Variants in IRF4 observed in about 807,000 individuals in gnomAD.
IRF4 encodes the protein interferon regulatory factor 4.
In IRF4, 13 loss-of-function variants were observed where a neutral mutation model predicts 55.5. The observed-to-expected ratio is 0.23, with a 90% CI of 0.15 to 0.37. The LOEUF (loss-of-function observed/expected upper bound fraction) is 0.37. Among genes scored for constraint, IRF4 ranks in the 10% least tolerant of loss-of-function variants. The pLI is 1.00. For synonymous variants in IRF4, 249 were observed against 240.7 expected (o/e 1.03, Z -0.32); for missense variants, 397 against 593.8 (o/e 0.67, Z 3.44).
At chr6:400,605 T>C (rs1426720021) in intron 6 of IRF4, among the ~76,000 whole-genome samples, 1 of 152,090 alleles carries the variant, frequency 6.6e-6, no homozygotes, top group Non-Finnish European at 1.5e-5. Context: ...ACATATCCAG[T>C]GTGGAAAACT....
At chr6:399,005 G>A in intron 6 of IRF4, 70 bp downstream of exon 6, 1 of 1,098,310 alleles carries the variant, frequency 9.1e-7, no homozygotes, top group Non-Finnish European at 1.3e-6. Flanking sequence ...GTCATCTTTG[G>A]GCAGATTCGA....
intron 7 of IRF4, among the ~76,000 whole-genome samples, chr6:404,401 C>T (rs555711360): frequency 1.6e-4 from 24 of 151,024 alleles, no homozygotes; most frequent in Non-Finnish European, 3.1e-4. Context: ...ACTGTTCCAT[C>T]CCTGGAGACA....
At chr6:394,062 C>G (rs1408757930) in intron 2 of IRF4, among the ~76,000 whole-genome samples, 1 of 152,174 alleles carries the variant, frequency 6.6e-6, no homozygotes, top group Non-Finnish European at 1.5e-5. Context: ...GGCAGTTTAC[C>G]CAGAGAACTA....
At chr6:395,280 C>CAA (rs369029146) in intron 3 of IRF4, among the ~76,000 whole-genome samples, 1 of 132,926 alleles carries the variant, frequency 7.5e-6, no homozygotes. Context: ...GTTAGTCTTT[C>CAA]AAAAAAAAAA....
chr6:403,345 C>A (rs979825208), intron 7 of IRF4, among the ~76,000 whole-genome samples: 1 of 152,266 alleles, frequency 6.6e-6, no homozygotes, highest in Non-Finnish European at 1.5e-5. Flanking sequence ...CTAAGGCCCA[C>A]TGGGCCTGGA....
intron 5 of IRF4, 69 bp from the exon 6 acceptor site, chr6:398,759 C>T (rs1761328952): frequency 8.8e-7 from 1 of 1,139,876 alleles, no homozygotes; most frequent in African/African-American, 1.5e-5. Context: ...CACACACACA[C>T]CCCAGGAAGC....
intron 7 of IRF4, among the ~76,000 whole-genome samples, chr6:402,345 C>T (rs1218309346): frequency 3.3e-5 from 5 of 152,138 alleles, no homozygotes; most frequent in African/African-American, 4.8e-5. Context: ...GACAATTCAG[C>T]GAACCTCTGG....
intron 7 of IRF4, among the ~76,000 whole-genome samples, chr6:404,188 A>G (rs538185885): frequency 5.9e-5 from 9 of 152,294 alleles, no homozygotes; most frequent in African/African-American, 2.2e-4. Flanking sequence ...GTGACATTTT[A>G]TTGTAGCTAC....
chr6:399,501 C>G (rs1397352856), intron 6 of IRF4, among the ~76,000 whole-genome samples: 1 of 19,182 alleles, frequency 5.2e-5, no homozygotes, highest in Non-Finnish European at 8.6e-5. Flanking sequence ...AGTTTTATTT[C>G]TAAAAAAAAA....
rs974931858 is a variant in IRF4, at chr6:409,041, A to G, written c.*1443A>G. 1 of 218,484 alleles carries G rather than the reference A, an allele frequency of 4.6e-6. No individual in the cohort carries two copies. Among genetic ancestry groups the G allele is most frequent in the Non-Finnish European group, 9.2e-6 (1 of 108,514 alleles). 13.5% of individuals were successfully genotyped at this position (218,484 alleles called of 1,614,324 possible). On this transcript the variant is annotated 3_prime_UTR_variant, in exon 9 of 9. Transcript: ENST00000380956. ...GGGCGTCACCTCCAGGCCGTTTCTC[A>G]TACTACAGGATATTTACTATTACTC...
intron 4 of IRF4, 30 bp from the exon 5 acceptor site, chr6:397,078 C>T: frequency 1.9e-6 from 3 of 1,612,494 alleles, no homozygotes; most frequent in Non-Finnish European, 2.5e-6. Flanking sequence ...GCCAGTGCTT[C>T]TTATCTCAGC....
chr6:407,325 A>T (rs1312003813), intron 8 of IRF4, 130 bp from the exon 9 acceptor site: 3 of 844,034 alleles, frequency 3.6e-6, no homozygotes, highest in Non-Finnish European at 5.3e-6. Flanking sequence ...CCAAATATGA[A>T]ATGTTTTGAT....
At chr6:399,015 A>T in intron 6 of IRF4, 80 bp downstream of exon 6, 1 of 947,676 alleles carries the variant, frequency 1.1e-6, no homozygotes, top group Non-Finnish European at 1.6e-6. Context: ...GGCAGATTCG[A>T]TGGGACTTTA....
rs1319194181 is a variant in IRF4, at chr6:408,013, T to C, written c.*415T>C. The C allele has an allele frequency of 7.3e-6, 2 of 273,820 alleles. No homozygotes were observed. Among genetic ancestry groups the C allele is most frequent in the Non-Finnish European group, 1.4e-5 (2 of 144,882 alleles). The allele number at this position is 273,820 out of a possible 1,614,324, so 17.0% of individuals were successfully genotyped here. On this transcript the variant is annotated 3_prime_UTR_variant, in exon 9 of 9. Coordinates refer to ENST00000380956, the MANE Select transcript of IRF4 (RefSeq NM_002460.4). ...GTGGCTTTGCATTTCTTGTGTTCTG[T>C]AGACTGCCATCATTGATGATCACTG...
rs1214308590 is a variant in IRF4 at position 407,522 on chromosome 6, G to C, written c.1280G>C (p.Gly427Ala). 2 of 1,612,882 alleles carry C rather than the reference G, an allele frequency of 1.2e-6. No individual in the cohort carries two copies. Among genetic ancestry groups the C allele is most frequent in the South Asian group, 2.2e-5 (2 of 90,898 alleles). Residue 427 changes from glycine (G) to alanine (A), a missense_variant, in exon 9 of 9, where the codon GGC becomes GCC. By Grantham distance (60) the Gly-to-Ala change is moderately conservative (BLOSUM62 0). Transcript: ENST00000380956. ...CAAAACAGTGGACATTTCCTGAGGG[G>C]CTACGATTTACCAGAACACATCAGC... ...AQQNSGHFLR[G>A]YDLPEHISNP...
chr6:391,785 C>T lies in IRF4; in HGVS notation c.-80C>T, dbSNP rs1057001863. On this transcript the variant is annotated 5_prime_UTR_variant, in exon 1 of 9. Transcript: ENST00000380956. Reference sequence around the variant, plus strand: ...CGCTCGATCTTGGGACCCACCGCTGCCCTCAGCTCCGAGTCCAGGGCGAGG... The same window carrying T: ...CGCTCGATCTTGGGACCCACCGCTGTCCTCAGCTCCGAGTCCAGGGCGAGG... 2 of 455,990 alleles carry T rather than the reference C, an allele frequency of 4.4e-6. No individual in the cohort carries two copies. Among genetic ancestry groups the T allele is most frequent in the East Asian group, 6.9e-5 (1 of 14,398 alleles). 28.2% of individuals were successfully genotyped at this position (455,990 alleles called of 1,614,324 possible). A position where few individuals can be genotyped will look rare whatever the true frequency, so the allele number is the denominator to read the frequency against.
rs2127439898 is a variant in IRF4, at chr6:401,535, A to C, written c.857A>C (p.Asn286Thr). The stretch of plus-strand genomic sequence containing the variant: ...CATGGACATACGTATGACGCCAGCA[A>C]CCTGGACCAGGTCCTGTTCCCCTAC... ...ISHGHTYDAS[N>T]LDQVLFPYPE... The change falls in exon 7 of 9, where the codon AAC becomes ACC. Residue 286 changes from asparagine (N) to threonine (T), a missense_variant. Asn to Thr is a moderately conservative substitution (Grantham distance 65, BLOSUM62 0). Around this residue, in one of 3 missense-constraint regions of IRF4, gnomAD observed 341 missense variants for 548.1 expected, o/e 0.62. Transcript: ENST00000380956. The C allele has an allele frequency of 6.2e-7, 1 of 1,614,070 alleles. No homozygotes were observed. The highest frequency in any genetic ancestry group is 1.6e-4 in the Middle Eastern group (1 of 6,062).
In IRF4 at chr6:393,396, C is replaced by A. The variant is rs767260136; in HGVS notation, c.216+28C>A. The stretch of plus-strand genomic sequence containing the variant: ...CTCCGGCCTCGGGAGCCGGCGGGGG[C>A]GCGCCGGGGAGGGCCCAGAGACAGA... On this transcript the variant is annotated intron_variant, in intron 2 of 8. Coordinates refer to ENST00000380956, the MANE Select transcript of IRF4 (RefSeq NM_002460.4). This position sits in a 1 kb window ranked among gnomAD's most constrained non-coding sequence, Gnocchi z 5.4. 2.5e-5 allele frequency: 36 copies of A among 1,468,228 alleles called. No homozygotes were observed. In the Admixed American group the frequency reaches 3.4e-4, roughly 14 times the overall value. The allele number at this position is 1,468,228 out of a possible 1,614,324, so 91.0% of individuals were successfully genotyped here.
Position 391,826 on chromosome 6 carries a change from G to A in IRF4, c.-56+17G>A, listed in dbSNP as rs984723255. ...CAGGGCGAGGTAAGGGCTGGAGTCG[G>A]GCAGGAGGAGGGGTGTGAGGCTGAT... is the stretch of plus-strand genomic sequence containing the variant. On this transcript the variant is annotated intron_variant, in intron 1 of 8. Transcript: ENST00000380956. 4.4e-6 allele frequency: 2 copies of A among 455,966 alleles called. No individual in the cohort carries two copies. Among genetic ancestry groups the A allele is most frequent in the Non-Finnish European group, 8.8e-6 (2 of 226,978 alleles). The allele number at this position is 455,966 out of a possible 1,614,324, so 28.2% of individuals were successfully genotyped here. A position where few individuals can be genotyped will look rare whatever the true frequency, so the allele number is the denominator to read the frequency against.
Sources: gnomAD v4.1 joint callset for allele counts (sites outside exome capture counted in the v4.1 genomes callset) on GRCh38, gnomAD v4.1.1 for gene constraint, gnomAD v4.1.1 regional missense constraint, Gnocchi (gnomAD v3.1) non-coding constraint, MANE v1.5 for transcripts, NCBI Gene and HGNC (gene_info 2026-07-23, HGNC 2026-07-21) for gene names.